DDX10: variants seen among roughly 807,000 people sequenced by gnomAD.
DDX10 encodes DEAD-box helicase 10.
In DDX10, 74 loss-of-function variants were observed where a neutral mutation model predicts 104.3. The ratio of observed to expected loss-of-function variants is 0.71; its 90% CI spans 0.59 to 0.86. The LOEUF (loss-of-function observed/expected upper bound fraction) is 0.86. Ranked by LOEUF, DDX10 falls within the 40% of genes least tolerant of loss-of-function variation. The probability of loss-of-function intolerance (pLI) is 0.00; values close to 1 mark genes in which losing one functional copy is unlikely to be tolerated. For synonymous variants in DDX10, 351 were observed against 353.4 expected (o/e 0.99, Z 0.08); for missense variants, 952 against 1,040.0 (o/e 0.92, Z 1.16).
At chr11:108,810,150 A>G (rs540035734) in intron 13 of DDX10, among the ~76,000 whole-genome samples, 1 of 152,312 alleles carries the variant, frequency 6.6e-6, no homozygotes, top group East Asian at 1.9e-4. Flanking sequence ...CAAGTATAAT[A>G]TAATAAGTGT....
intron 13 of DDX10, among the ~76,000 whole-genome samples, chr11:108,741,075 G>T (rs2094324626): frequency 6.6e-6 from 1 of 152,058 alleles, no homozygotes. Flanking sequence ...TTCCCCCATT[G>T]GTTGTTTTTG....
intron 10 of DDX10, among the ~76,000 whole-genome samples, chr11:108,709,896 A>G (rs534642673): frequency 2.6e-5 from 4 of 152,174 alleles, no homozygotes; most frequent in South Asian, 2.1e-4. Flanking sequence ...TAATACAGTC[A>G]TATGTTGCTT....
At chr11:108,843,717 C>G (rs1037325386) in intron 15 of DDX10, among the ~76,000 whole-genome samples, 8 of 151,148 alleles carry the variant, frequency 5.3e-5, no homozygotes, top group African/African-American at 9.7e-5. Context: ...GGTCGTGCCA[C>G]TGCACTCCAG....
chr11:108,806,113 C>T (rs748775445), intron 13 of DDX10, among the ~76,000 whole-genome samples: 32 of 152,070 alleles, frequency 2.1e-4, no homozygotes, highest in Admixed American at 2.1e-3. Flanking sequence ...AGGCGTCCAC[C>T]ACCACGCCCG....
chr11:108,737,948 A>G (rs1451886060), intron 13 of DDX10, among the ~76,000 whole-genome samples: 1 of 152,190 alleles, frequency 6.6e-6, no homozygotes, highest in East Asian at 1.9e-4. Flanking sequence ...GGGAAGAAAC[A>G]AAGCAGAGGA....
At chr11:108,752,281 C>CT (rs1039111767) in intron 13 of DDX10, among the ~76,000 whole-genome samples, 2 of 152,100 alleles carry the variant, frequency 1.3e-5, no homozygotes, top group Non-Finnish European at 2.9e-5. Context: ...GTTCCTCTTG[C>CT]TTCTGATGCT....
chr11:108,803,285 G>A (rs1591822385), intron 13 of DDX10, among the ~76,000 whole-genome samples: 2 of 147,548 alleles, frequency 1.4e-5, no homozygotes, highest in South Asian at 4.2e-4. Flanking sequence ...AAAGAACCTT[G>A]GAACCTTTAA....
rs562482267 is a variant in DDX10 at position 108,891,624 on chromosome 11, C to T, written c.2305-26249C>T. On this transcript the variant is annotated intron_variant, in intron 16 of 17. Transcript: ENST00000322536. Reference sequence around the variant, plus strand: ...CTTGCCTCAAAGTATAATTGTAAATCAGTCCCCACCATAATGCCGTTACTC... The same window carrying T: ...CTTGCCTCAAAGTATAATTGTAAATTAGTCCCCACCATAATGCCGTTACTC... Among the ~76,000 whole-genome samples the T allele has an allele frequency of 1.2e-4, 19 of 152,276 alleles. No homozygotes were observed. The South Asian group carries it at 3.7e-3, about 30-fold the overall frequency.
intron 9 of DDX10, among the ~76,000 whole-genome samples, chr11:108,701,715 G>A (rs1029047199): frequency 1.1e-4 from 11 of 100,658 alleles, no homozygotes. Context: ...CTGAGTGTCT[G>A]TGACTCTGTC....
intron 13 of DDX10, among the ~76,000 whole-genome samples, chr11:108,801,814 A>G (rs140144020): frequency 1.3e-5 from 2 of 152,322 alleles, no homozygotes; most frequent in African/African-American, 4.8e-5. Context: ...TTTCACCACA[A>G]TTAATGGTAG....
intron 15 of DDX10, among the ~76,000 whole-genome samples, chr11:108,849,269 A>G (rs1392953668): frequency 6.6e-6 from 1 of 152,104 alleles, no homozygotes; most frequent in East Asian, 1.9e-4. Flanking sequence ...CACTGAAGTA[A>G]AGATGCATGT....
chr11:108,863,696 C>G (rs1862969716), intron 16 of DDX10, among the ~76,000 whole-genome samples: 2 of 152,266 alleles, frequency 1.3e-5, no homozygotes, highest in East Asian at 1.9e-4. Flanking sequence ...CCATCCAACC[C>G]TAAGATTTTT....
In DDX10 at chr11:108,940,334, A is replaced by G. The variant is rs371136179; in HGVS notation, c.2539A>G (p.Arg847Gly). ...AACAAGTCATAACAGAAAGAAGGCC[A>G]GGTGGGACACTTTAGAGCCTTTGGA... ...GPTSHNRKKARWDTLEPLDTG... is the reference protein window; with the variant it reads ...GPTSHNRKKAGWDTLEPLDTG... Residue 847 changes from arginine to glycine, a missense_variant, in exon 18 of 18, where the codon AGG becomes GGG. Transcript: ENST00000322536. 3.7e-6 allele frequency: 6 copies of G among 1,613,984 alleles called. No individual in the cohort carries two copies. Among genetic ancestry groups the G allele is most frequent in the Middle Eastern group, 1.6e-4 (1 of 6,084 alleles).
chr11:108,678,489 G>C (rs1021449270), intron 5 of DDX10, 54 bp downstream of exon 5: 8 of 1,449,950 alleles, frequency 5.5e-6, no homozygotes, highest in Non-Finnish European at 6.4e-6. Flanking sequence ...ACTTAGGAGA[G>C]AGCCCTTATA....
intron 17 of DDX10, among the ~76,000 whole-genome samples, chr11:108,928,455 G>T (rs1047432943): frequency 7.0e-6 from 1 of 141,968 alleles, no homozygotes; most frequent in Non-Finnish European, 1.6e-5. Flanking sequence ...ATGCACCACT[G>T]CTTGTAGTTT....
At chr11:108,874,167 G>A (rs1182414257) in intron 16 of DDX10, among the ~76,000 whole-genome samples, 1 of 152,104 alleles carries the variant, frequency 6.6e-6, no homozygotes, top group Non-Finnish European at 1.5e-5. Context: ...AAAGATGACT[G>A]GACTTACGGG....
At position 108,940,366 on chromosome 11, in the gene DDX10, C is replaced by T. The variant is rs763537245; in HGVS notation, c.2571C>T (p.Gly857=). 6 of 1,613,968 alleles carry T rather than the reference C, an allele frequency of 3.7e-6. No homozygotes were observed. In the Admixed American group the frequency reaches 6.7e-5, roughly 18 times the overall value. The change falls in exon 18 of 18, where the codon GGC becomes GGT. Residue 857 remains glycine (G), a synonymous_variant. Transcript: ENST00000322536. The stretch of plus-strand genomic sequence containing the variant: ...ACACTTTAGAGCCTTTGGATACCGG[C>T]CTGTCTTTAGCAGAGGATGAAGAGC... ...RWDTLEPLDT[G]LSLAEDEELV...
chr11:108,857,902 A>G (rs572431354), intron 16 of DDX10, among the ~76,000 whole-genome samples: 3 of 152,228 alleles, frequency 2.0e-5, no homozygotes, highest in African/African-American at 7.2e-5. Flanking sequence ...CTTATCCACA[A>G]TTAGTTCTCT....
intron 16 of DDX10, among the ~76,000 whole-genome samples, chr11:108,912,373 C>A (rs184043234): frequency 2.0e-5 from 3 of 151,996 alleles, no homozygotes; most frequent in African/African-American, 7.3e-5. Context: ...CTAGTTGATT[C>A]TCCTTCCTTA....
Sources: gnomAD v4.1 joint callset for allele counts (sites outside exome capture counted in the v4.1 genomes callset) on GRCh38, gnomAD v4.1.1 for gene constraint, MANE v1.5 for transcripts, NCBI Gene and HGNC (gene_info 2026-07-23, HGNC 2026-07-21) for gene names.